CTNNA3: variants seen among roughly 807,000 people sequenced by gnomAD.
CTNNA3 encodes the protein catenin alpha 3, also known as catenin alpha-3.
A neutral mutation model predicts 95.7 loss-of-function variants in CTNNA3; 76 were observed. The observed-to-expected ratio is 0.79, with a 90% CI of 0.66 to 0.96. CTNNA3 has a LOEUF of 0.96. Among genes scored for constraint, CTNNA3 ranks in the 40% least tolerant of loss-of-function variants. CTNNA3 has a pLI of 0.00. For missense variants in CTNNA3, 1,191 were observed against 1,089.8 expected, an observed-to-expected ratio of 1.09 and a Z score of -1.31; for synonymous variants, 431 against 374.4, an observed-to-expected ratio of 1.15 and a Z score of -1.74.
chr10:67,750,574 C>T lies in CTNNA3; in HGVS notation c.-2+12860G>A. ...TGAGGAAAGCCTTTGAGAAGACCCT[C>T]AAGGATCTGAAGCTGAGTTATCTGG... On this transcript the variant is annotated intron_variant, in intron 1 of 17. Transcript: ENST00000684154. 7 of 1,577,036 alleles carry T rather than the reference C, an allele frequency of 4.4e-6. No homozygotes were observed. In the South Asian group the frequency reaches 7.7e-5, roughly 17 times the overall value.
chr10:66,433,763 T>C (rs962906049), intron 11 of CTNNA3, among the ~76,000 whole-genome samples: 3 of 152,196 alleles, frequency 2.0e-5, no homozygotes, highest in Admixed American at 2.0e-4. Context: ...TTCTAGGGCT[T>C]TTATGGTTTT....
chr10:66,709,618 T>A (rs940977413), intron 9 of CTNNA3, among the ~76,000 whole-genome samples: 6 of 152,148 alleles, frequency 3.9e-5, no homozygotes, highest in African/African-American at 1.4e-4. Context: ...ACTTCTTCAC[T>A]CACTTATATT....
chr10:67,285,808 T>A (rs1184316860), intron 5 of CTNNA3, among the ~76,000 whole-genome samples: 3 of 152,232 alleles, frequency 2.0e-5, no homozygotes, highest in Non-Finnish European at 4.4e-5. Context: ...TTGATTTTTG[T>A]GTATACTTCA....
rs79778887 is a variant in CTNNA3 at position 67,043,695 on chromosome 10, A to T, written c.1047+136622T>A. Among the ~76,000 whole-genome samples the T allele has an allele frequency of 1.8e-4, 28 of 152,200 alleles. No homozygotes were observed. The East Asian group carries it at 5.4e-3, about 30-fold the overall frequency. On this transcript the variant is annotated intron_variant, in intron 7 of 17. Coordinates refer to ENST00000433211, the MANE Select transcript of CTNNA3 (RefSeq NM_013266.4). ...TACCCTTTAATCTCCCACTGCTCCT[A>T]AAAAGGAATCATCCATCTTTATATG...
At chr10:66,279,011 A>G (rs2091447761) in intron 13 of CTNNA3, among the ~76,000 whole-genome samples, 2 of 152,114 alleles carry the variant, frequency 1.3e-5, no homozygotes, top group Non-Finnish European at 2.9e-5. Context: ...TCACTTAGAA[A>G]TAGTTGTAGG....
intron 3 of CTNNA3, among the ~76,000 whole-genome samples, chr10:67,595,774 G>T (rs191265054): frequency 2.5e-4 from 38 of 152,216 alleles, no homozygotes; most frequent in African/African-American, 9.1e-4. Flanking sequence ...ATCTTTATAG[G>T]TCTGTAAGAA....
intron 10 of CTNNA3, among the ~76,000 whole-genome samples, chr10:66,546,948 A>G (rs1842052305): frequency 6.6e-6 from 1 of 152,178 alleles, no homozygotes; most frequent in African/African-American, 2.4e-5. Flanking sequence ...CTGCAATAAC[A>G]AAGAATTTTA....
chr10:66,810,652 A>AT (rs1479678101), intron 7 of CTNNA3, among the ~76,000 whole-genome samples: 3 of 39,506 alleles, frequency 7.6e-5, no homozygotes. Context: ...GTTACTTAAA[A>AT]TCTTCAATGT....
intron 3 of CTNNA3, among the ~76,000 whole-genome samples, chr10:67,545,960 T>C (rs1367131592): frequency 6.6e-6 from 1 of 152,196 alleles, no homozygotes; most frequent in African/African-American, 2.4e-5. Flanking sequence ...TTTATTAATA[T>C]CTTTTTATGA....
At chr10:66,001,191 C>T (rs2078763155) in intron 15 of CTNNA3, among the ~76,000 whole-genome samples, 1 of 151,904 alleles carries the variant, frequency 6.6e-6, no homozygotes, top group South Asian at 2.1e-4. Context: ...TGAAATGGCC[C>T]CAGTAGCCTA....
At chr10:66,419,368 A>G (rs979569037) in intron 11 of CTNNA3, among the ~76,000 whole-genome samples, 2 of 152,102 alleles carry the variant, frequency 1.3e-5, no homozygotes, top group African/African-American at 4.8e-5. Flanking sequence ...AAACTATAAG[A>G]ATCTGATGAA....
At chr10:66,267,135 A>G (rs1489202812) in intron 13 of CTNNA3, among the ~76,000 whole-genome samples, 1 of 152,068 alleles carries the variant, frequency 6.6e-6, no homozygotes, top group Non-Finnish European at 1.5e-5. Flanking sequence ...TGAATTTTGA[A>G]CACTCTATAC....
At chr10:66,411,729 G>A (rs1265940298) in intron 11 of CTNNA3, among the ~76,000 whole-genome samples, 1 of 152,040 alleles carries the variant, frequency 6.6e-6, no homozygotes, top group Non-Finnish European at 1.5e-5. Flanking sequence ...AATAAAATGA[G>A]GAAAATAACT....
intron 13 of CTNNA3, among the ~76,000 whole-genome samples, chr10:66,276,794 T>C (rs891645008): frequency 6.6e-6 from 1 of 151,926 alleles, no homozygotes. Flanking sequence ...GTAATAATAG[T>C]AGTAGTAGCT....
rs371509639 is a variant in CTNNA3 at position 65,957,862 on chromosome 10, T to G, written c.2400+8750A>C. Among the ~76,000 whole-genome samples the G allele has an allele frequency of 7.2e-5, 11 of 152,276 alleles. No individual in the cohort carries two copies. In the East Asian group the frequency reaches 1.7e-3, roughly 24 times the overall value. On this transcript the variant is annotated intron_variant, in intron 17 of 17. Transcript: ENST00000433211. ...TTGGTGAATCTGACAATTATGTGTCTTGGAACTGTTCTTCTTGAGGAGTAT... is the reference window on the plus strand; with the variant it reads ...TTGGTGAATCTGACAATTATGTGTCGTGGAACTGTTCTTCTTGAGGAGTAT...
chr10:66,094,079 T>C (rs1022635701), intron 14 of CTNNA3, among the ~76,000 whole-genome samples: 19 of 152,070 alleles, frequency 1.2e-4, no homozygotes, highest in Non-Finnish European at 2.5e-4. Context: ...GGAAGATTAT[T>C]GGAGGGAAAC....
At chr10:67,231,893 C>G (rs1366896838) in intron 5 of CTNNA3, among the ~76,000 whole-genome samples, 2 of 152,044 alleles carry the variant, frequency 1.3e-5, no homozygotes, top group African/African-American at 4.8e-5. Context: ...ATGCGATCAA[C>G]TGGAAGAAAG....
At chr10:67,062,448 T>C (rs1485250611) in intron 7 of CTNNA3, among the ~76,000 whole-genome samples, 1 of 152,206 alleles carries the variant, frequency 6.6e-6, no homozygotes, top group African/African-American at 2.4e-5. Flanking sequence ...ATGCAGGTGA[T>C]AAACTTTAAA....
intron 13 of CTNNA3, among the ~76,000 whole-genome samples, chr10:66,153,748 C>T (rs755682417): frequency 2.0e-5 from 3 of 151,758 alleles, no homozygotes; most frequent in Non-Finnish European, 2.9e-5. Flanking sequence ...GCAGACTGTC[C>T]TTACACTAAG....
Sources: gnomAD v4.1 joint callset for allele counts (sites outside exome capture counted in the v4.1 genomes callset) on GRCh38, gnomAD v4.1.1 for gene constraint, MANE v1.5 for transcripts, NCBI Gene and HGNC (gene_info 2026-07-23, HGNC 2026-07-21) for gene names.